The following TBC1D8 variants were observed in gnomAD, a reference collection of about 807,000 sequenced individuals.
TBC1D8 encodes the protein BUB2-like protein 1.
TBC1D8 carries 65 observed loss-of-function variants against 118.8 expected under a neutral mutation model. The observed-to-expected ratio is 0.55, with a 90% CI of 0.45 to 0.67. The LOEUF (loss-of-function observed/expected upper bound fraction) is 0.67, where lower values mean the gene tolerates loss of function less well. TBC1D8 is among the 30% of genes least tolerant of loss of function. The probability of loss-of-function intolerance (pLI) is 0.00; values close to 1 mark genes in which losing one functional copy is unlikely to be tolerated. For synonymous variants in TBC1D8, 566 were observed against 595.8 expected, an observed-to-expected ratio of 0.95 and a Z score of 0.73; for missense variants, 1,376 against 1,471.2, an observed-to-expected ratio of 0.94 and a Z score of 1.06.
Position 101,008,043 on chromosome 2 carries a change from G to C in TBC1D8, c.3246C>G (p.Pro1082=). 4 of 1,613,970 alleles carry C rather than the reference G, an allele frequency of 2.5e-6. No homozygotes were observed. In the Middle Eastern group the frequency reaches 4.9e-4, roughly 200 times the overall value. Residue 1082 remains proline (P), a synonymous_variant, in exon 20 of 20, where the codon CCC becomes CCG. Transcript: ENST00000409318. ...CCTCTGGAAATGCCTGGGAGTCCTG[G>C]GGCGTCTTCCCAGTGTCTGCAAAAA... is the stretch of plus-strand genomic sequence containing the variant. The part of the protein sequence containing the change: ...DSVFADTGKT[P]QDSQAFPEAA...
chr2:101,071,927 T>C (rs1165284038), intron 2 of TBC1D8, among the ~76,000 whole-genome samples: 1 of 152,204 alleles, frequency 6.6e-6, no homozygotes, highest in Non-Finnish European at 1.5e-5. Flanking sequence ...GAATCACAAT[T>C]CATCTATGCA....
At chr2:101,094,946 C>T (rs565020974) in intron 1 of TBC1D8, among the ~76,000 whole-genome samples, 13 of 152,298 alleles carry the variant, frequency 8.5e-5, no homozygotes, top group African/African-American at 1.2e-4. Flanking sequence ...AGATCAGCTT[C>T]CCTGGAGCAG....
At position 101,059,364 on chromosome 2, in the gene TBC1D8, T is replaced by C. The variant is rs907877757; in HGVS notation, c.402+57A>G. The C allele has an allele frequency of 3.6e-6, 5 of 1,382,030 alleles. 1 individual carries two copies. Among genetic ancestry groups the C allele is most frequent in the African/African-American group, 2.9e-5 (2 of 69,852 alleles). The allele number at this position is 1,382,030 out of a possible 1,614,324, so 85.6% of individuals were successfully genotyped here. ...TGTTAGTATGCTACAGTGTTCGGAATGTCTTAAGGAAGAAAGATGGAAAGA... is the reference window on the plus strand; with the variant it reads ...TGTTAGTATGCTACAGTGTTCGGAACGTCTTAAGGAAGAAAGATGGAAAGA... On this transcript the variant is annotated intron_variant, in intron 3 of 19. Coordinates refer to ENST00000409318, the MANE Select transcript of TBC1D8 (RefSeq NM_001330348.2).
intron 3 of TBC1D8, among the ~76,000 whole-genome samples, chr2:101,058,780 G>A (rs1682583726): frequency 6.7e-6 from 1 of 150,106 alleles, no homozygotes; most frequent in Non-Finnish European, 1.5e-5. Context: ...GATTTAAGAA[G>A]TCAAATAATG....
chr2:101,086,095 T>C (rs1176050677), intron 2 of TBC1D8, among the ~76,000 whole-genome samples: 2 of 151,498 alleles, frequency 1.3e-5, no homozygotes, highest in African/African-American at 2.4e-5. Flanking sequence ...TGAGCTGGGA[T>C]TGTACCACTG....
chr2:101,038,557 C>T lies in TBC1D8; in HGVS notation c.1179G>A (p.Arg393=). 1 of 1,613,906 alleles carries T rather than the reference C, an allele frequency of 6.2e-7. No homozygotes were observed. Among genetic ancestry groups the T allele is most frequent in the Non-Finnish European group, 8.5e-7 (1 of 1,179,896 alleles). The part of the protein sequence containing the change: ...SKVAFQFIEL[R]DRDSLVEALL... ...GCGCCTCCACCAGGCTGTCTCGGTCCCGGAGCTCAATGAACTGGAAGGCCA... is the reference window on the plus strand; with the variant it reads ...GCGCCTCCACCAGGCTGTCTCGGTCTCGGAGCTCAATGAACTGGAAGGCCA... The change falls in exon 7 of 20, where the codon CGG becomes CGA. Residue 393 remains arginine, a synonymous_variant. Coordinates refer to ENST00000409318, the MANE Select transcript of TBC1D8 (RefSeq NM_001330348.2).
At chr2:101,129,714 G>A (rs1335164439) in intron 1 of TBC1D8, among the ~76,000 whole-genome samples, 1 of 151,708 alleles carries the variant, frequency 6.6e-6, no homozygotes, top group Admixed American at 6.6e-5. Flanking sequence ...GACCATCCTG[G>A]CTAACACGGT....
At chr2:101,074,916 C>T (rs1298329123) in intron 2 of TBC1D8, among the ~76,000 whole-genome samples, 1 of 152,118 alleles carries the variant, frequency 6.6e-6, no homozygotes, top group African/African-American at 2.4e-5. Context: ...ACCCCTACAG[C>T]CTAAACTGTG....
intron 8 of TBC1D8, 51 bp downstream of exon 8, chr2:101,037,480 CA>C (rs1681085520): frequency 2.5e-6 from 4 of 1,586,202 alleles, no homozygotes; most frequent in Admixed American, 1.8e-5. Flanking sequence ...GCAACCCCCC[CA>C]AGCCCACGGC....
chr2:101,110,929 G>A (rs1252481878), intron 1 of TBC1D8, among the ~76,000 whole-genome samples: 31 of 147,658 alleles, frequency 2.1e-4, no homozygotes, highest in Admixed American at 6.8e-4. Context: ...GCAGTGAGCC[G>A]AGATTGCGCC....
At chr2:101,031,097 T>A (rs989366856) in intron 11 of TBC1D8, among the ~76,000 whole-genome samples, 1 of 152,248 alleles carries the variant, frequency 6.6e-6, no homozygotes, top group African/African-American at 2.4e-5. Context: ...TAGCTGGCAC[T>A]GTTGCATATG....
chr2:101,078,969 C>T (rs1675066297), intron 2 of TBC1D8, among the ~76,000 whole-genome samples: 1 of 151,990 alleles, frequency 6.6e-6, no homozygotes, highest in Admixed American at 6.6e-5. Flanking sequence ...TGAAAGGCAA[C>T]CCTGAAGTGG....
intron 1 of TBC1D8, among the ~76,000 whole-genome samples, chr2:101,113,413 A>G (rs1338461514): frequency 6.6e-6 from 1 of 152,170 alleles, no homozygotes; most frequent in Non-Finnish European, 1.5e-5. Context: ...TCAACAAAAC[A>G]AAAACAAGAC....
chr2:101,148,611 T>C (rs1399470076), intron 1 of TBC1D8, among the ~76,000 whole-genome samples: 1 of 152,120 alleles, frequency 6.6e-6, no homozygotes, highest in Non-Finnish European at 1.5e-5. Context: ...ATTTCTGAAG[T>C]TAGGCAATTA....
intron 17 of TBC1D8, among the ~76,000 whole-genome samples, chr2:101,012,893 C>A (rs1454553152): frequency 1.3e-5 from 2 of 152,308 alleles, no homozygotes; most frequent in African/African-American, 4.8e-5. Flanking sequence ...TTGCCCAAAA[C>A]GAATTTTGTG....
chr2:101,141,868 CA>C (rs1164956642), intron 1 of TBC1D8, among the ~76,000 whole-genome samples: 13 of 149,260 alleles, frequency 8.7e-5, no homozygotes, highest in Admixed American at 2.0e-4. Flanking sequence ...GGTAAGCCAA[CA>C]AAAAAAATGA....
intron 5 of TBC1D8, among the ~76,000 whole-genome samples, chr2:101,045,998 A>T (rs1681680744): frequency 6.6e-6 from 1 of 152,108 alleles, no homozygotes; most frequent in African/African-American, 2.4e-5. Context: ...GCCTCTAATT[A>T]ATTAATTAAT....
intron 16 of TBC1D8, among the ~76,000 whole-genome samples, chr2:101,022,009 C>T (rs1287551144): frequency 1.3e-5 from 2 of 152,194 alleles, no homozygotes; most frequent in African/African-American, 2.4e-5. Context: ...AGGAACATGG[C>T]TCCCAACAAG....
At chr2:101,055,217 C>T (rs926963106) in intron 3 of TBC1D8, among the ~76,000 whole-genome samples, 2 of 151,582 alleles carry the variant, frequency 1.3e-5, no homozygotes, top group African/African-American at 4.8e-5. Flanking sequence ...TGGTGAAACC[C>T]CATCTCTACT....
Sources: gnomAD v4.1 joint callset for allele counts (sites outside exome capture counted in the v4.1 genomes callset) on GRCh38, gnomAD v4.1.1 for gene constraint, MANE v1.5 for transcripts, NCBI Gene and HGNC (gene_info 2026-07-23, HGNC 2026-07-21) for gene names.